SPATA21: variants seen among roughly 807,000 people sequenced by gnomAD.
The protein encoded by SPATA21 is spermatogenesis-associated protein 21.
Under a neutral mutation model 54.8 loss-of-function variants are expected in SPATA21, and 47 were observed. The observed-to-expected ratio is 0.86, with a 90% CI of 0.68 to 1.09. The LOEUF (loss-of-function observed/expected upper bound fraction) is 1.09, where lower values mean the gene tolerates loss of function less well. Ranked by LOEUF, SPATA21 falls within the 50% of genes least tolerant of loss-of-function variation. The pLI is 0.00. For synonymous variants in SPATA21, 245 were observed against 235.3 expected, an observed-to-expected ratio of 1.04 and a Z score of -0.38; for missense variants, 599 against 596.4, an observed-to-expected ratio of 1.00 and a Z score of -0.05.
At position 16,416,583 on chromosome 1, in the gene SPATA21, C is replaced by T. The variant is rs186316276; in HGVS notation, c.144+4926G>A. 4.5e-3 allele frequency among the ~76,000 whole-genome samples: 688 copies of T among 151,410 alleles called. 7 individuals are homozygous for T. The highest frequency in any genetic ancestry group is 0.016 in the African/African-American group (659 of 41,234). On this transcript the variant is annotated intron_variant, in intron 5 of 12. Transcript: ENST00000335496. Reference sequence around the variant, plus strand: ...ATCTCAGCTACTTGGGAGGCTGAGGCGGGAGAATTGCTTGAACCCGGGAGG... The same window carrying T: ...ATCTCAGCTACTTGGGAGGCTGAGGTGGGAGAATTGCTTGAACCCGGGAGG...
chr1:16,416,674 C>A (rs2086016924), intron 5 of SPATA21, among the ~76,000 whole-genome samples: 1 of 109,124 alleles, frequency 9.2e-6, no homozygotes, highest in African/African-American at 3.2e-5. Context: ...GAGAGAGACT[C>A]CATCTCAAAA....
chr1:16,404,922 A>G, intron 8 of SPATA21, 45 bp downstream of exon 8: 1 of 1,514,966 alleles, frequency 6.6e-7, no homozygotes, highest in African/African-American at 1.4e-5. Flanking sequence ...AAGCCAGTGA[A>G]GCAGGCCCTG....
rs1394114638 is a variant in SPATA21, at chr1:16,409,500, C to A, written c.587+101G>T. The stretch of plus-strand genomic sequence containing the variant: ...GGAGAAATGGAGAGAGGGGGACACA[C>A]GAGGGAACAGGCAGGTGCAGGGACA... On this transcript the variant is annotated intron_variant, in intron 6 of 12. Transcript: ENST00000335496. This position sits in a 1 kb window ranked among gnomAD's most constrained non-coding sequence, Gnocchi z 4.1. 1.6e-6 allele frequency: 2 copies of A among 1,252,748 alleles called. No individual in the cohort carries two copies. Among genetic ancestry groups the A allele is most frequent in the African/African-American group, 1.5e-5 (1 of 67,466 alleles). The allele number at this position is 1,252,748 out of a possible 1,614,324, so 77.6% of individuals were successfully genotyped here. A position where few individuals can be genotyped will look rare whatever the true frequency, so the allele number is the denominator to read the frequency against.
rs550527293 is a variant in SPATA21 at position 16,417,438 on chromosome 1, C to CTT, written c.144+4069_144+4070dup. ...CATGCCCAGCTAATTTTTTTGTGGGCTTTTTTTTTTTTTTTTTGAGACAAA... is the reference window on the plus strand; with the variant it reads ...CATGCCCAGCTAATTTTTTTGTGGGCTTTTTTTTTTTTTTTTTTTGAGACAAA... On this transcript the variant is annotated intron_variant, in intron 5 of 12. Coordinates refer to ENST00000335496, the MANE Select transcript of SPATA21 (RefSeq NM_198546.1). 7.5e-3 allele frequency among the ~76,000 whole-genome samples: 933 copies of CTT among 124,742 alleles called. 14 individuals carry two copies. The highest frequency in any genetic ancestry group is 0.026 in the African/African-American group (880 of 33,216). The allele number at this position is 124,742 out of a possible 152,430, so 81.8% of individuals were successfully genotyped here. A position where few individuals can be genotyped will look rare whatever the true frequency, so the allele number is the denominator to read the frequency against.
In SPATA21 at chr1:16,403,972, A is replaced by G. The variant is rs374539230; in HGVS notation, c.879T>C (p.Ser293=). 135 of 1,587,890 alleles carry G rather than the reference A, an allele frequency of 8.5e-5. No individual in the cohort carries two copies. Among genetic ancestry groups the G allele is most frequent in the Non-Finnish European group, 1.1e-4 (127 of 1,166,954 alleles). The change falls in exon 9 of 13, where the codon TCT becomes TCC. Residue 293 remains serine (S), a synonymous_variant. Transcript: ENST00000335496. ...GCTGGGCTCATCCCTGCTCACCCACAGAGCAGAAGAAGCGCCTGGTGTCTG... is the reference window on the plus strand; with the variant it reads ...GCTGGGCTCATCCCTGCTCACCCACGGAGCAGAAGAAGCGCCTGGTGTCTG... The part of the protein sequence containing the change: ...VMTDTRRFFC[S]VEQNALSDMA...
intron 3 of SPATA21, among the ~76,000 whole-genome samples, chr1:16,426,654 C>T (rs2994140): frequency 0.095 from 13,704 of 144,704 alleles, 848 homozygotes; most frequent in South Asian, 0.2. Flanking sequence ...GATCTTGGCT[C>T]ACTGCAACCT....
At chr1:16,410,858 T>C in intron 5 of SPATA21, 1 of 390,350 alleles carries the variant, frequency 2.6e-6, no homozygotes, top group Non-Finnish European at 5.2e-6. Context: ...GCCATGGTCT[T>C]GAGTGAGTTA....
rs752335184 is a variant in SPATA21, at chr1:16,403,947, G to A, written c.883+21C>T. ...CAGCCCCTCCTCCAGTTCTGACTAC[G>A]CTGGGCTCATCCCTGCTCACCCACA... On this transcript the variant is annotated intron_variant, in intron 9 of 12. Transcript: ENST00000335496. 2.1e-5 allele frequency: 33 copies of A among 1,605,534 alleles called. No homozygotes were observed. In the East Asian group the frequency reaches 4.5e-4, roughly 22 times the overall value.
intron 3 of SPATA21, among the ~76,000 whole-genome samples, chr1:16,426,588 T>A (rs1276093472): frequency 7.0e-6 from 1 of 142,736 alleles, no homozygotes. Context: ...TATTTTTTTT[T>A]TTTTTTTTTG....
intron 11 of SPATA21, 69 bp from the exon 12 acceptor site, chr1:16,399,590 A>G: frequency 1.3e-6 from 2 of 1,527,686 alleles, no homozygotes; most frequent in Non-Finnish European, 1.8e-6. Flanking sequence ...AGGCAGATTC[A>G]AGTGAAATCC....
At chr1:16,427,772 C>A in intron 3 of SPATA21, 1 of 1,412,804 alleles carries the variant, frequency 7.1e-7, no homozygotes, top group Non-Finnish European at 9.4e-7. Flanking sequence ...GCTGCCTTGG[C>A]CTGGGAGTTC....
At chr1:16,435,477 A>T (rs545376455) in intron 1 of SPATA21, among the ~76,000 whole-genome samples, 12 of 152,000 alleles carry the variant, frequency 7.9e-5, no homozygotes, top group African/African-American at 2.9e-4. Flanking sequence ...CCACCACACC[A>T]GACTAATTTT....
At chr1:16,415,008 C>T (rs2085960085) in intron 5 of SPATA21, among the ~76,000 whole-genome samples, 1 of 150,558 alleles carries the variant, frequency 6.6e-6, no homozygotes, top group Non-Finnish European at 1.5e-5. Context: ...GGCAAATGCT[C>T]AATTTCTGTC....
At position 16,422,237 on chromosome 1, in the gene SPATA21, G is replaced by T. The variant is rs761766904; in HGVS notation, c.35-266C>A. The stretch of plus-strand genomic sequence containing the variant: ...ACCACGGCTGGGGAGCTCCATCCTC[G>T]TTCCCAGGTGAACCTCAATGCTCCA... On this transcript the variant is annotated intron_variant, in intron 3 of 12. Transcript: ENST00000335496. 5 of 1,396,060 alleles carry T rather than the reference G, an allele frequency of 3.6e-6. No individual in the cohort carries two copies. The East Asian group carries it at 1.1e-4, about 30-fold the overall frequency. 86.5% of individuals were successfully genotyped at this position (1,396,060 alleles called of 1,614,324 possible).
At chr1:16,420,610 G>T (rs939355632) in intron 5 of SPATA21, among the ~76,000 whole-genome samples, 1 of 152,156 alleles carries the variant, frequency 6.6e-6, no homozygotes, top group African/African-American at 2.4e-5. Flanking sequence ...AACGCAGAGA[G>T]GGATCATGTG....
chr1:16,435,971 G>A (rs374632028), intron 1 of SPATA21, among the ~76,000 whole-genome samples: 12 of 152,110 alleles, frequency 7.9e-5, no homozygotes, highest in African/African-American at 2.4e-4. Flanking sequence ...CCCATTTATC[G>A]GCCTGGTGCG....
downstream of SPATA21, chr1:16,397,222 ACT>A (rs1234501906): frequency 6.6e-6 from 1 of 152,374 alleles, no homozygotes; most frequent in East Asian, 1.9e-4. This position sits in a 1 kb window ranked among gnomAD's most constrained non-coding sequence, Gnocchi z 5.4. Flanking sequence ...TGTGGCAGGG[ACT>A]GGTCCTCCCA....
At chr1:16,422,722 G>T (rs1447470870) in intron 3 of SPATA21, among the ~76,000 whole-genome samples, 1 of 151,946 alleles carries the variant, frequency 6.6e-6, no homozygotes, top group Non-Finnish European at 1.5e-5. Context: ...TGCTCAGGCT[G>T]GTCTTGAACT....
chr1:16,435,358 C>T (rs1261537819), intron 1 of SPATA21, among the ~76,000 whole-genome samples: 1 of 152,018 alleles, frequency 6.6e-6, no homozygotes, highest in Non-Finnish European at 1.5e-5. Flanking sequence ...GCTCTGTCAC[C>T]CAGGGTGGAG....
Sources: gnomAD v4.1 joint callset for allele counts (sites outside exome capture counted in the v4.1 genomes callset) on GRCh38, gnomAD v4.1.1 for gene constraint, Gnocchi (gnomAD v3.1) non-coding constraint, MANE v1.5 for transcripts, NCBI Gene and HGNC (gene_info 2026-07-23, HGNC 2026-07-21) for gene names.